Variants in ARHGAP19 observed in about 807,000 individuals in gnomAD.
ARHGAP19 encodes Rho GTPase activating protein 19, also known as rho GTPase-activating protein 19.
In ARHGAP19, 48 loss-of-function variants were observed where a neutral mutation model predicts 60.9. The observed-to-expected ratio is 0.79, with a 90% CI of 0.62 to 1.00. The LOEUF is 1.00. ARHGAP19 is among the 50% of genes least tolerant of loss of function. ARHGAP19 has a pLI of 0.00. For synonymous variants in ARHGAP19, 209 were observed against 215.5 expected (o/e 0.97, Z 0.27); for missense variants, 562 against 597.2 (o/e 0.94, Z 0.61).
At chr10:97,248,264 A>C (rs923156660) in intron 6 of ARHGAP19, among the ~76,000 whole-genome samples, 5 of 152,126 alleles carry the variant, frequency 3.3e-5, no homozygotes, top group Admixed American at 6.6e-5. Flanking sequence ...AAATACAAAA[A>C]TTAGCCGGGT....
intron 9 of ARHGAP19, among the ~76,000 whole-genome samples, chr10:97,234,415 TAA>T (rs10592924): frequency 0.28 from 35,361 of 124,132 alleles, 4,811 homozygotes; most frequent in Non-Finnish European, 0.35. Flanking sequence ...AAATAAAAAT[TAA>T]AAAAAAAAAA....
chr10:97,286,026 T>C (rs1272126040), intron 1 of ARHGAP19, among the ~76,000 whole-genome samples: 1 of 152,244 alleles, frequency 6.6e-6, no homozygotes, highest in African/African-American at 2.4e-5. Flanking sequence ...AAGACAGGCC[T>C]TATTTACAAA....
At position 97,225,972 on chromosome 10, in the gene ARHGAP19, A is replaced by ACCC; in HGVS notation, c.*149_*150insGGG. 5 of 728,084 alleles carry ACCC rather than the reference A, an allele frequency of 6.9e-6. No homozygotes were observed. The South Asian group carries it at 8.7e-5, about 13-fold the overall frequency. The allele number at this position is 728,084 out of a possible 1,614,324, so 45.1% of individuals were successfully genotyped here. On this transcript the variant is annotated 3_prime_UTR_variant, in exon 12 of 12. Coordinates refer to ENST00000358531, the MANE Select transcript of ARHGAP19 (RefSeq NM_032900.6). ...AACATCATCCAGTGAGTGGGGTTAG[A>ACCC]GGTATCAGTCGGGTCACGGTATTAG...
At chr10:97,277,932 C>G (rs962941694) in intron 1 of ARHGAP19, 1 of 152,160 alleles carries the variant, frequency 6.6e-6, no homozygotes, top group African/African-American at 2.4e-5. Flanking sequence ...AATTATAATT[C>G]CCATTTTCCA....
chr10:97,265,016 A>G lies in ARHGAP19; in HGVS notation c.323-110T>C, dbSNP rs1842879933. 3.7e-6 allele frequency: 3 copies of G among 806,250 alleles called. No homozygotes were observed. In the South Asian group the frequency reaches 5.0e-5, roughly 13 times the overall value. The allele number at this position is 806,250 out of a possible 1,614,324, so 49.9% of individuals were successfully genotyped here. ...TTTACAATTCAGCAAGCATTTTCACATGGTCAGTAAACAAAAACCTTAGAA... is the reference window on the plus strand; with the variant it reads ...TTTACAATTCAGCAAGCATTTTCACGTGGTCAGTAAACAAAAACCTTAGAA... On this transcript the variant is annotated intron_variant, in intron 2 of 11. Transcript: ENST00000358531.
chr10:97,280,513 T>C (rs919343475), intron 1 of ARHGAP19, among the ~76,000 whole-genome samples: 1 of 152,040 alleles, frequency 6.6e-6, no homozygotes, highest in Admixed American at 6.6e-5. Flanking sequence ...AGTCTCTTTC[T>C]TACCATTTAT....
intron 1 of ARHGAP19, among the ~76,000 whole-genome samples, chr10:97,266,987 G>A (rs1162335884): frequency 6.6e-6 from 1 of 152,018 alleles, no homozygotes. Context: ...AACCAATTAT[G>A]CCTCCCCAAC....
At position 97,265,733 on chromosome 10, in the gene ARHGAP19, A is replaced by C. The variant is rs1397457411; in HGVS notation, c.322+127T>G. 3.3e-6 allele frequency: 4 copies of C among 1,224,088 alleles called. No homozygotes were observed. In the Admixed American group the frequency reaches 9.2e-5, roughly 28 times the overall value. The allele number at this position is 1,224,088 out of a possible 1,614,324, so 75.8% of individuals were successfully genotyped here. A position where few individuals can be genotyped will look rare whatever the true frequency, so the allele number is the denominator to read the frequency against. On this transcript the variant is annotated intron_variant, in intron 2 of 11. Transcript: ENST00000358531. Reference sequence around the variant, plus strand: ...TATTACTTAAGGTGTTACTACTTATAAAAACTGAAAAAATGGCCAAAAAAT... The same window carrying C: ...TATTACTTAAGGTGTTACTACTTATCAAAACTGAAAAAATGGCCAAAAAAT...
intron 8 of ARHGAP19, among the ~76,000 whole-genome samples, chr10:97,241,614 G>A (rs1296911549): frequency 6.6e-6 from 1 of 151,246 alleles, no homozygotes; most frequent in Non-Finnish European, 1.5e-5. Context: ...TCAGCAGGCT[G>A]AGGCAGGAGG....
chr10:97,282,407 T>C (rs1446884179), intron 1 of ARHGAP19, among the ~76,000 whole-genome samples: 2 of 152,248 alleles, frequency 1.3e-5, no homozygotes, highest in African/African-American at 4.8e-5. Flanking sequence ...ATTTGAGATT[T>C]TCCATACAGA....
At chr10:97,238,382 G>C (rs945124323) in intron 8 of ARHGAP19, among the ~76,000 whole-genome samples, 1 of 152,112 alleles carries the variant, frequency 6.6e-6, no homozygotes, top group African/African-American at 2.4e-5. Flanking sequence ...AACGAGACCA[G>C]TTAATTTTTT....
chr10:97,225,930 A>G lies in ARHGAP19; in HGVS notation c.*192T>C. ...AGAGACAGGGCCTAAGCACTCTCTC[A>G]GAAGGCACAGCTTGCAAACATCATC... is the stretch of plus-strand genomic sequence containing the variant. On this transcript the variant is annotated 3_prime_UTR_variant, in exon 12 of 12. Transcript: ENST00000358531. 3 of 606,188 alleles carry G rather than the reference A, an allele frequency of 4.9e-6. No homozygotes were observed. The highest frequency in any genetic ancestry group is 8.7e-6 in the Non-Finnish European group (3 of 345,698). The allele number at this position is 606,188 out of a possible 1,614,324, so 37.6% of individuals were successfully genotyped here.
chr10:97,263,368 T>G (rs896969801), intron 4 of ARHGAP19, 52 bp downstream of exon 4: 3 of 1,560,056 alleles, frequency 1.9e-6, no homozygotes, highest in Admixed American at 3.4e-5. Flanking sequence ...CTAGGAACTT[T>G]ACTAAATTGA....
chr10:97,240,661 T>A (rs1250690468), intron 8 of ARHGAP19, among the ~76,000 whole-genome samples: 1 of 152,188 alleles, frequency 6.6e-6, no homozygotes, highest in Non-Finnish European at 1.5e-5. Flanking sequence ...AAATAAAGAA[T>A]ATTATGTAAA....
intron 1 of ARHGAP19, among the ~76,000 whole-genome samples, chr10:97,283,874 G>C (rs1357155766): frequency 4.9e-5 from 7 of 142,624 alleles, no homozygotes; most frequent in African/African-American, 1.8e-4. Context: ...AATAATGGTT[G>C]TATCTATCTG....
At chr10:97,280,833 G>C (rs1483273783) in intron 1 of ARHGAP19, among the ~76,000 whole-genome samples, 1 of 152,032 alleles carries the variant, frequency 6.6e-6, no homozygotes, top group African/African-American at 2.4e-5. Flanking sequence ...GATCCTCCCA[G>C]CTCAGCCTCC....
chr10:97,253,287 A>G, intron 6 of ARHGAP19, among the ~76,000 whole-genome samples: 1 of 151,854 alleles, frequency 6.6e-6, no homozygotes, highest in Non-Finnish European at 1.5e-5. Flanking sequence ...CTGAGGCAGG[A>G]GAATCGCTTG....
At chr10:97,231,379 G>A (rs1411270163) in intron 9 of ARHGAP19, among the ~76,000 whole-genome samples, 7 of 151,932 alleles carry the variant, frequency 4.6e-5, no homozygotes, top group Non-Finnish European at 8.8e-5. Context: ...TAATAGTGTT[G>A]TGCAACCATC....
intron 1 of ARHGAP19, among the ~76,000 whole-genome samples, chr10:97,289,685 C>T (rs2134935860): frequency 6.6e-6 from 1 of 151,590 alleles, no homozygotes; most frequent in Admixed American, 6.6e-5. Context: ...AAAAACAAAA[C>T]AACAACAACA....
Sources: gnomAD v4.1 joint callset for allele counts (sites outside exome capture counted in the v4.1 genomes callset) on GRCh38, gnomAD v4.1.1 for gene constraint, MANE v1.5 for transcripts, NCBI Gene and HGNC (gene_info 2026-07-23, HGNC 2026-07-21) for gene names.